The following ZNF148 variants were observed in gnomAD, a reference collection of about 807,000 sequenced individuals.
The protein encoded by ZNF148 is Beta-Enolase Repressor Factor-1.
In ZNF148, 7 loss-of-function variants were observed where a neutral mutation model predicts 67.7. That is an observed-to-expected ratio of 0.10 (90% CI 0.06 to 0.19). The LOEUF (loss-of-function observed/expected upper bound fraction) is 0.19. ZNF148 is among the 10% of genes least tolerant of loss of function. The pLI is 1.00. For missense variants in ZNF148, 583 were observed against 947.1 expected (o/e 0.62, Z 5.05); for synonymous variants, 333 against 330.7 (o/e 1.01, Z -0.08).
chr3:125,292,001 A>G (rs1474591941), intron 4 of ZNF148, among the ~76,000 whole-genome samples: 2 of 152,214 alleles, frequency 1.3e-5, no homozygotes, highest in Non-Finnish European at 1.5e-5. Context: ...AACGAATGTC[A>G]GCAATATTTG....
chr3:125,318,306 A>C (rs1420470156), intron 3 of ZNF148, among the ~76,000 whole-genome samples: 1 of 152,174 alleles, frequency 6.6e-6, no homozygotes. Context: ...AAGAAAACTG[A>C]GGTAATCAAG....
chr3:125,313,553 C>T lies in ZNF148; in HGVS notation c.88G>A (p.Gly30Ser). 1.9e-6 allele frequency: 3 copies of T among 1,614,188 alleles called. No individual in the cohort carries two copies. Among genetic ancestry groups the T allele is most frequent in the Non-Finnish European group, 1.7e-6 (2 of 1,180,026 alleles). The stretch of plus-strand genomic sequence containing the variant: ...ACAGTAGACTGGCCAGACACTCCAC[C>T]CATTACAACCATTGTCCTGGAAGAC... ...MQSSRTMVVMGGVSGQSTVSG... is the reference protein window; with the variant it reads ...MQSSRTMVVMSGVSGQSTVSG... Residue 30 changes from glycine to serine, a missense_variant, in exon 4 of 9, where the codon GGT (glycine) becomes AGT (serine). By Grantham distance (56) the Gly-to-Ser change is moderately conservative (BLOSUM62 0). This residue lies in a region of ZNF148 where 150 missense variants were observed against 202.5 expected (regional missense o/e 0.74). Transcript: ENST00000360647.
intron 7 of ZNF148, among the ~76,000 whole-genome samples, chr3:125,266,929 C>T (rs1300454289): frequency 6.6e-6 from 1 of 152,056 alleles, no homozygotes; most frequent in Non-Finnish European, 1.5e-5. Context: ...CCCCTATACA[C>T]ACAAACTAGA....
At chr3:125,274,232 C>G (rs1253074134) in intron 7 of ZNF148, among the ~76,000 whole-genome samples, 2 of 152,180 alleles carry the variant, frequency 1.3e-5, no homozygotes, top group African/African-American at 2.4e-5. Flanking sequence ...TGGCCCTAAA[C>G]AAAATGATCA....
At chr3:125,258,295 G>C (rs528663753) in intron 7 of ZNF148, among the ~76,000 whole-genome samples, 3 of 151,894 alleles carry the variant, frequency 2.0e-5, no homozygotes, top group South Asian at 2.1e-4. Context: ...CATGGTGGCA[G>C]GTGCCTGTAT....
intron 7 of ZNF148, among the ~76,000 whole-genome samples, chr3:125,245,100 G>GTAA (rs1936536741): frequency 1.3e-5 from 2 of 152,082 alleles, no homozygotes; most frequent in African/African-American, 4.8e-5. Flanking sequence ...AACTGCTTAT[G>GTAA]TAATATATCC....
At chr3:125,301,824 G>C (rs1326305738) in intron 4 of ZNF148, among the ~76,000 whole-genome samples, 1 of 152,124 alleles carries the variant, frequency 6.6e-6, no homozygotes, top group Non-Finnish European at 1.5e-5. Flanking sequence ...ACCACTCTGG[G>C]AGGCCGAGGT....
At chr3:125,259,056 A>C (rs1323390832) in intron 7 of ZNF148, among the ~76,000 whole-genome samples, 2 of 152,226 alleles carry the variant, frequency 1.3e-5, no homozygotes, top group African/African-American at 4.8e-5. Flanking sequence ...TATCTTGGAA[A>C]GTACTAAGAG....
chr3:125,305,152 C>G (rs1939806051), intron 4 of ZNF148, among the ~76,000 whole-genome samples: 1 of 152,124 alleles, frequency 6.6e-6, no homozygotes, highest in Admixed American at 6.5e-5. Flanking sequence ...ATCAATTGAT[C>G]AAAGTGAACC....
At chr3:125,319,715 T>C (rs566058339) in intron 3 of ZNF148, among the ~76,000 whole-genome samples, 115 of 152,308 alleles carry the variant, frequency 7.6e-4, no homozygotes, top group African/African-American at 2.5e-3. Context: ...ATATTTACAA[T>C]AACCCTCAAG....
intron 1 of ZNF148, among the ~76,000 whole-genome samples, chr3:125,353,652 G>A (rs913217880): frequency 2.0e-5 from 3 of 151,704 alleles, no homozygotes; most frequent in Admixed American, 6.6e-5. Context: ...ACAGAGTTTC[G>A]CCATGTTTCC....
At chr3:125,259,293 CCA>C (rs1433820727) in intron 7 of ZNF148, among the ~76,000 whole-genome samples, 2 of 152,098 alleles carry the variant, frequency 1.3e-5, no homozygotes. Flanking sequence ...TATAGTAAAA[CCA>C]CAGTGAGATA....
chr3:125,275,576 T>A (rs1938010995), intron 7 of ZNF148, among the ~76,000 whole-genome samples: 1 of 152,186 alleles, frequency 6.6e-6, no homozygotes, highest in South Asian at 2.1e-4. Context: ...TACCTCCTCA[T>A]CTATAAAATG....
intron 7 of ZNF148, among the ~76,000 whole-genome samples, chr3:125,261,633 G>T (rs1182345916): frequency 1.3e-5 from 2 of 152,080 alleles, no homozygotes; most frequent in African/African-American, 4.8e-5. Flanking sequence ...AGTACTAAAC[G>T]ACATGAGGAG....
chr3:125,293,208 C>T (rs1027734469), intron 4 of ZNF148, among the ~76,000 whole-genome samples: 5 of 152,046 alleles, frequency 3.3e-5, no homozygotes, highest in Non-Finnish European at 7.4e-5. Context: ...AAAGGGACCC[C>T]ACGGCCAGAA....
chr3:125,280,004 A>G (rs777897190), intron 5 of ZNF148, among the ~76,000 whole-genome samples: 55 of 152,286 alleles, frequency 3.6e-4, no homozygotes, highest in Non-Finnish European at 7.2e-4. Flanking sequence ...CTAAAAAAAA[A>G]AGAGAACACT....
chr3:125,265,697 G>A (rs773148845), intron 7 of ZNF148, among the ~76,000 whole-genome samples: 41 of 152,286 alleles, frequency 2.7e-4, no homozygotes, highest in Middle Eastern at 3.4e-3. Context: ...TTTTTAAGGT[G>A]AAGAGAGATG....
At chr3:125,351,693 T>A (rs116744049) in intron 1 of ZNF148, among the ~76,000 whole-genome samples, 7,460 of 152,146 alleles carry the variant, frequency 0.049, 292 homozygotes, top group Non-Finnish European at 0.069. Flanking sequence ...AAAGAACTCT[T>A]AAAACCCAAC....
intron 3 of ZNF148, among the ~76,000 whole-genome samples, chr3:125,314,054 T>A (rs545500566): frequency 3.3e-5 from 5 of 152,174 alleles, no homozygotes; most frequent in South Asian, 4.1e-4. Context: ...AAATCATTTT[T>A]AAAAATTTAG....
Sources: gnomAD v4.1 joint callset for allele counts (sites outside exome capture counted in the v4.1 genomes callset) on GRCh38, gnomAD v4.1.1 for gene constraint, gnomAD v4.1.1 regional missense constraint, MANE v1.5 for transcripts, NCBI Gene and HGNC (gene_info 2026-07-23, HGNC 2026-07-21) for gene names.